ITGA1: variants seen among roughly 807,000 people sequenced by gnomAD.
ITGA1 encodes integrin alpha-1.
ITGA1 carries 85 observed loss-of-function variants against 145.9 expected under a neutral mutation model. The observed-to-expected ratio is 0.58, with a 90% confidence interval of 0.49 to 0.70. ITGA1 has a LOEUF of 0.70. Among genes scored for constraint, ITGA1 ranks in the 30% least tolerant of loss-of-function variants. ITGA1 has a pLI of 0.00. For missense variants in ITGA1, 1,351 were observed against 1,418.7 expected (o/e 0.95, Z 0.77); for synonymous variants, 520 against 495.3 (o/e 1.05, Z -0.66).
intron 1 of ITGA1, among the ~76,000 whole-genome samples, chr5:52,841,611 CTG>C (rs1580057007): frequency 6.6e-6 from 1 of 152,122 alleles, no homozygotes; most frequent in African/African-American, 2.4e-5. Flanking sequence ...AGTAATAAAA[CTG>C]ATTAAAATTT....
Position 52,933,926 on chromosome 5 carries a change from C to T in ITGA1, c.2894C>T (p.Ala965Val). ...SASEYHISIA[A>V]NETVPEVINS... The stretch of plus-strand genomic sequence containing the variant: ...AGTGAATACCACATTTCAATTGCTG[C>T]CAATGAGACAGTCCCTGAAGTTATT... Residue 965 changes from alanine (A) to valine (V), a missense_variant, in exon 23 of 29, where the codon GCC becomes GTC. Ala to Val is a moderately conservative substitution (Grantham distance 64). Coordinates refer to ENST00000282588, the MANE Select transcript of ITGA1 (RefSeq NM_181501.2). The T allele has an allele frequency of 1.3e-6, 2 of 1,530,158 alleles. No homozygotes were observed. The highest frequency in any genetic ancestry group is 1.9e-5 in the Admixed American group (1 of 52,526). The allele number at this position is 1,530,158 out of a possible 1,614,324, so 94.8% of individuals were successfully genotyped here.
In ITGA1 at chr5:52,911,607, A is replaced by G. The variant is rs1310563587; in HGVS notation, c.1857+1188A>G. On this transcript the variant is annotated intron_variant, in intron 14 of 28. Coordinates refer to ENST00000282588, the MANE Select transcript of ITGA1 (RefSeq NM_181501.2). ...ATAGTGTATCTACTATATATACTAT[A>G]TATATAGTGTATCTACTATATATAC... is the stretch of plus-strand genomic sequence containing the variant. 3.2e-5 allele frequency among the ~76,000 whole-genome samples: 3 copies of G among 94,146 alleles called. 1 individual carries two copies. The East Asian group carries it at 7.5e-4, about 24-fold the overall frequency. The allele number at this position is 94,146 out of a possible 152,430, so 61.8% of individuals were successfully genotyped here.
chr5:52,830,634 G>T (rs1234045976), intron 1 of ITGA1, among the ~76,000 whole-genome samples: 2 of 152,058 alleles, frequency 1.3e-5, no homozygotes, highest in African/African-American at 4.8e-5. Context: ...TTAGTCAAAG[G>T]CCAAGTATTT....
chr5:52,922,630 A>G, intron 17 of ITGA1, 147 bp from the exon 18 acceptor site: 1 of 608,204 alleles, frequency 1.6e-6, no homozygotes, highest in South Asian at 2.0e-5. Flanking sequence ...CCAGGGAAGC[A>G]AAAGCCTGAT....
chr5:52,826,526 C>A (rs1397619460), intron 1 of ITGA1, among the ~76,000 whole-genome samples: 3 of 152,232 alleles, frequency 2.0e-5, no homozygotes, highest in Non-Finnish European at 2.9e-5. Context: ...AAACAGCCTT[C>A]TAGTGCAAGA....
At chr5:52,911,574 CTATATATA>C (rs199760720) in intron 14 of ITGA1, among the ~76,000 whole-genome samples, 3 of 33,896 alleles carry the variant, frequency 8.9e-5, no homozygotes, top group South Asian at 6.4e-4. Context: ...ACTATATATA[CTATATATA>C]TAGTGTATCT....
chr5:52,867,614 G>A (rs1470513444), intron 6 of ITGA1, among the ~76,000 whole-genome samples: 1 of 151,664 alleles, frequency 6.6e-6, no homozygotes, highest in Admixed American at 6.6e-5. Context: ...TTTCCCTTCT[G>A]AGACCACTCT....
Position 52,821,264 on chromosome 5 carries a change from T to A in ITGA1, c.62-28101T>A, listed in dbSNP as rs183518787. 1.7e-3 allele frequency among the ~76,000 whole-genome samples: 261 copies of A among 152,254 alleles called. 2 individuals carry two copies. Among genetic ancestry groups the A allele is most frequent in the African/African-American group, 6.0e-3 (249 of 41,542 alleles). On this transcript the variant is annotated intron_variant, in intron 1 of 28. Coordinates refer to ENST00000282588, the MANE Select transcript of ITGA1 (RefSeq NM_181501.2). Reference sequence around the variant, plus strand: ...GCATTTTTAGACTGCTTAATTTGGGTCAATGTTTCTCAAAGTTATCTCCAG... The same window carrying A: ...GCATTTTTAGACTGCTTAATTTGGGACAATGTTTCTCAAAGTTATCTCCAG...
chr5:52,833,545 A>G (rs1231269373), intron 1 of ITGA1, among the ~76,000 whole-genome samples: 1 of 152,126 alleles, frequency 6.6e-6, no homozygotes, highest in Non-Finnish European at 1.5e-5. Flanking sequence ...AAATTATTCC[A>G]TCTGATTTTA....
rs560750563 is a variant in ITGA1 at position 52,877,709 on chromosome 5, A to G, written c.625-4164A>G. Among the ~76,000 whole-genome samples, 3 of 152,318 alleles carry G rather than the reference A, an allele frequency of 2.0e-5. No homozygotes were observed. In the South Asian group the frequency reaches 6.2e-4, roughly 32 times the overall value. On this transcript the variant is annotated intron_variant, in intron 6 of 28. Coordinates refer to ENST00000282588, the MANE Select transcript of ITGA1 (RefSeq NM_181501.2). ...CTGGCAGGAGCAGTCACGGAGCCGT[A>G]AGGCCACCAGAGCTGTAACGCTGCA...
chr5:52,924,603 A>G (rs1750775790), intron 18 of ITGA1, among the ~76,000 whole-genome samples: 1 of 152,232 alleles, frequency 6.6e-6, no homozygotes, highest in African/African-American at 2.4e-5. Flanking sequence ...TATTTGGTTC[A>G]GCCACACGAC....
intron 8 of ITGA1, among the ~76,000 whole-genome samples, chr5:52,888,546 G>A (rs992834024): frequency 2.6e-5 from 4 of 152,324 alleles, no homozygotes; most frequent in African/African-American, 9.6e-5. Context: ...GCTTTTCAGC[G>A]AAGTAGACAG....
intron 6 of ITGA1, among the ~76,000 whole-genome samples, chr5:52,876,828 C>T (rs1749875246): frequency 2.0e-5 from 3 of 152,096 alleles, no homozygotes. Flanking sequence ...TTTCAGAGTT[C>T]CAAGAAGGGG....
chr5:52,865,389 CTG>C (rs1749671545), intron 5 of ITGA1, among the ~76,000 whole-genome samples: 1 of 152,166 alleles, frequency 6.6e-6, no homozygotes, highest in Non-Finnish European at 1.5e-5. Flanking sequence ...TGCTCAAAAA[CTG>C]TTTTATAAAA....
chr5:52,907,469 A>G (rs535482905), intron 12 of ITGA1, among the ~76,000 whole-genome samples: 3 of 152,288 alleles, frequency 2.0e-5, no homozygotes, highest in South Asian at 4.1e-4. Flanking sequence ...TTTTATGAAA[A>G]TTTGCATATG....
Position 52,954,243 on chromosome 5 carries a change from T to C in ITGA1, c.*1792T>C, listed in dbSNP as rs1751270855. The C allele has an allele frequency of 6.6e-6, 1 of 152,208 alleles. No homozygotes were observed. Among genetic ancestry groups the C allele is most frequent in the Non-Finnish European group, 1.5e-5 (1 of 68,036 alleles). 9.4% of individuals were successfully genotyped at this position (152,208 alleles called of 1,614,324 possible). A position where few individuals can be genotyped will look rare whatever the true frequency, so the allele number is the denominator to read the frequency against. On this transcript the variant is annotated 3_prime_UTR_variant, in exon 29 of 29. Transcript: ENST00000282588. ...TTCTTTGCCCAGTAAAACTCAGGGTTTCTCTTATTCAGAGTTACCATGTTG... is the reference window on the plus strand; with the variant it reads ...TTCTTTGCCCAGTAAAACTCAGGGTCTCTCTTATTCAGAGTTACCATGTTG...
intron 13 of ITGA1, among the ~76,000 whole-genome samples, chr5:52,909,429 A>G (rs1266243289): frequency 1.3e-5 from 2 of 152,094 alleles, no homozygotes; most frequent in South Asian, 2.1e-4. Context: ...ATGAGTTTCA[A>G]GGCAGCAACA....
At chr5:52,907,838 AT>A (rs1750435585) in intron 12 of ITGA1, among the ~76,000 whole-genome samples, 3 of 152,168 alleles carry the variant, frequency 2.0e-5, no homozygotes. Context: ...AAGATCTTCT[AT>A]TTTATTTATG....
At chr5:52,938,796 G>A (rs1291658351) in intron 24 of ITGA1, among the ~76,000 whole-genome samples, 1 of 152,144 alleles carries the variant, frequency 6.6e-6, no homozygotes, top group Non-Finnish European at 1.5e-5. Context: ...TATCCTTGGT[G>A]TGTAGGGAAT....
Sources: allele counts gnomAD v4.1 joint callset (sites outside exome capture counted in the v4.1 genomes callset), GRCh38; gene constraint gnomAD v4.1.1; transcripts MANE v1.5; gene names NCBI Gene and HGNC (gene_info 2026-07-23, HGNC 2026-07-21).